Variants in REV3L observed in about 807,000 individuals in gnomAD.
REV3L encodes the protein DNA polymerase zeta catalytic subunit.
In REV3L, 69 loss-of-function variants were observed where a neutral mutation model predicts 299.4. The observed-to-expected ratio is 0.23, with a 90% CI of 0.19 to 0.28. The LOEUF is 0.28. Among genes scored for constraint, REV3L ranks in the 10% least tolerant of loss-of-function variants. REV3L has a pLI of 1.00. For synonymous variants in REV3L, 1,238 were observed against 1,271.4 expected (o/e 0.97, Z 0.56); for missense variants, 3,128 against 3,693.8 (o/e 0.85, Z 3.97).
At chr6:111,325,805 T>C (rs1365495574) in intron 25 of REV3L, among the ~76,000 whole-genome samples, 1 of 152,230 alleles carries the variant, frequency 6.6e-6, no homozygotes, top group Non-Finnish European at 1.5e-5. Flanking sequence ...TTCTTTTAGT[T>C]ATTTAAAAAT....
Position 111,374,877 on chromosome 6 carries a change from C to G in REV3L, c.3478G>C (p.Val1160Leu). The G allele has an allele frequency of 6.2e-7, 1 of 1,613,770 alleles. No individual in the cohort carries two copies. The highest frequency in any genetic ancestry group is 8.5e-7 in the Non-Finnish European group (1 of 1,179,888). Residue 1160 changes from valine (V) to leucine (L), a missense_variant, in exon 13 of 32, where the codon GTT becomes CTT. Val to Leu is a conservative substitution (Grantham distance 32). Around this residue, in one of 9 missense-constraint regions of REV3L, gnomAD observed 2,409 missense variants for 2,611.8 expected, o/e 0.92. Coordinates refer to ENST00000368802, the MANE Select transcript of REV3L (RefSeq NM_001372078.1). ...FKGPNVYKKT[V>L]NSRIGKTSRA... ...CTAGTTTTTCCTATACGAGAATTAA[C>G]AGTCTTCTTATATACATTAGGACCC... is the stretch of plus-strand genomic sequence containing the variant.
At chr6:111,438,300 T>C (rs1231482113) in intron 1 of REV3L, among the ~76,000 whole-genome samples, 9 of 152,092 alleles carry the variant, frequency 5.9e-5, no homozygotes, top group East Asian at 1.9e-4. Flanking sequence ...ATTTATATCA[T>C]AGGAATAAAT....
intron 21 of REV3L, among the ~76,000 whole-genome samples, chr6:111,340,369 G>A (rs1776357790): frequency 1.3e-5 from 2 of 152,026 alleles, no homozygotes; most frequent in African/African-American, 4.8e-5. Flanking sequence ...AAGTTTTATA[G>A]GCTGGCTTAG....
intron 1 of REV3L, among the ~76,000 whole-genome samples, chr6:111,440,143 T>G (rs1277431055): frequency 1.3e-5 from 2 of 152,084 alleles, no homozygotes; most frequent in African/African-American, 4.8e-5. Flanking sequence ...CTTGGCTCAC[T>G]GCAACCACCG....
chr6:111,474,018 C>T (rs908760703), intron 1 of REV3L, among the ~76,000 whole-genome samples: 4 of 150,102 alleles, frequency 2.7e-5, no homozygotes, highest in Non-Finnish European at 4.5e-5. Flanking sequence ...CACTGGACAA[C>T]AGGAGGGCAT....
chr6:111,410,719 C>A (rs1020052041), intron 3 of REV3L, among the ~76,000 whole-genome samples: 18 of 152,188 alleles, frequency 1.2e-4, no homozygotes, highest in African/African-American at 4.3e-4. Context: ...ACCTCATGTT[C>A]TGGGCAGTCG....
intron 12 of REV3L, 86 bp downstream of exon 12, chr6:111,377,615 G>T: frequency 7.6e-7 from 1 of 1,314,060 alleles, no homozygotes; most frequent in Non-Finnish European, 1.1e-6. Flanking sequence ...GGGATTACAG[G>T]TGTGAGCCAG....
chr6:111,405,487 C>T lies in REV3L; in HGVS notation c.548G>A (p.Arg183Gln). Residue 183 changes from arginine (R) to glutamine (Q), a missense_variant, in exon 4 of 32, where the codon CGA becomes CAA. By Grantham distance (43) the Arg-to-Gln change is conservative (BLOSUM62 1). This residue lies in a region of REV3L where 2,409 missense variants were observed against 2,611.8 expected (regional missense o/e 0.92). Coordinates refer to ENST00000368802, the MANE Select transcript of REV3L (RefSeq NM_001372078.1). The part of the protein sequence containing the change: ...NLINLAAVKF[R>Q]KARRKSNTLH... ...AACCTTACTTTTCCTTCTTGCTTTTCGGAACTTGACAGCAGCCAGATTTAT... is the reference window on the plus strand; with the variant it reads ...AACCTTACTTTTCCTTCTTGCTTTTTGGAACTTGACAGCAGCCAGATTTAT... 3 of 1,588,974 alleles carry T rather than the reference C, an allele frequency of 1.9e-6. No individual in the cohort carries two copies. Among genetic ancestry groups the T allele is most frequent in the South Asian group, 1.2e-5 (1 of 83,626 alleles).
chr6:111,474,381 T>C (rs1792646920), intron 1 of REV3L, among the ~76,000 whole-genome samples: 2 of 152,188 alleles, frequency 1.3e-5, no homozygotes, highest in Non-Finnish European at 2.9e-5. Context: ...TTGCACCTTG[T>C]GGTAGGTGGC....
chr6:111,392,176 C>G (rs1489767605), intron 5 of REV3L, among the ~76,000 whole-genome samples: 1 of 152,128 alleles, frequency 6.6e-6, no homozygotes, highest in African/African-American at 2.4e-5. Flanking sequence ...AGGAGGGAAA[C>G]AATAACCTCA....
chr6:111,407,566 C>T (rs1783778296), intron 3 of REV3L, among the ~76,000 whole-genome samples: 1 of 152,118 alleles, frequency 6.6e-6, no homozygotes, highest in African/African-American at 2.4e-5. Flanking sequence ...TTGGATTTAG[C>T]AACACAGAGG....
chr6:111,445,105 G>A (rs1388074276), intron 1 of REV3L, among the ~76,000 whole-genome samples: 3 of 152,194 alleles, frequency 2.0e-5, no homozygotes, highest in Non-Finnish European at 2.9e-5. Flanking sequence ...CAACTGCCTT[G>A]GAAGGGAAGA....
Position 111,482,935 on chromosome 6 carries a change from G to T in REV3L, c.-47C>A. 6.8e-7 allele frequency: 1 copy of T among 1,479,498 alleles called. No individual in the cohort carries two copies. The highest frequency in any genetic ancestry group is 8.9e-7 in the Non-Finnish European group (1 of 1,124,966). 91.6% of individuals were successfully genotyped at this position (1,479,498 alleles called of 1,614,324 possible). A position where few individuals can be genotyped will look rare whatever the true frequency, so the allele number is the denominator to read the frequency against. ...CTCCCTTCACTGGCGACCCGGCAGC[G>T]GCAGCAGCAGCGGCGGCGGCTCCCT... On this transcript the variant is annotated 5_prime_UTR_variant, in exon 1 of 32. Transcript: ENST00000368802.
intron 25 of REV3L, among the ~76,000 whole-genome samples, chr6:111,327,505 G>C (rs1774957365): frequency 6.6e-6 from 1 of 151,476 alleles, no homozygotes; most frequent in Admixed American, 6.6e-5. Flanking sequence ...AGTGAGCCGT[G>C]GTTAAGCCAC....
At chr6:111,444,080 G>A (rs911002909) in intron 1 of REV3L, among the ~76,000 whole-genome samples, 1 of 152,124 alleles carries the variant, frequency 6.6e-6, no homozygotes, top group Non-Finnish European at 1.5e-5. Context: ...GTATAGCAAT[G>A]GTAACTGACA....
intron 1 of REV3L, among the ~76,000 whole-genome samples, chr6:111,428,244 G>A (rs1786432515): frequency 6.6e-6 from 1 of 152,114 alleles, no homozygotes; most frequent in African/African-American, 2.4e-5. Context: ...AGAAGACAGT[G>A]ACATGAGCTT....
chr6:111,395,980 T>A (rs1462373077), intron 4 of REV3L, among the ~76,000 whole-genome samples: 1 of 152,200 alleles, frequency 6.6e-6, no homozygotes, highest in Non-Finnish European at 1.5e-5. Flanking sequence ...GTTGATGTGA[T>A]GTATCACATT....
At chr6:111,319,093 A>G (rs779338357) in intron 26 of REV3L, among the ~76,000 whole-genome samples, 1 of 151,642 alleles carries the variant, frequency 6.6e-6, no homozygotes, top group Non-Finnish European at 1.5e-5. Context: ...ATTTTATTAC[A>G]TACTATACAT....
intron 26 of REV3L, among the ~76,000 whole-genome samples, chr6:111,320,347 T>C (rs1774010449): frequency 6.6e-6 from 1 of 152,210 alleles, no homozygotes; most frequent in African/African-American, 2.4e-5. Flanking sequence ...ATTACAGGCA[T>C]GAGCCACTGC....
Sources: gnomAD v4.1 joint callset for allele counts (sites outside exome capture counted in the v4.1 genomes callset) on GRCh38, gnomAD v4.1.1 for gene constraint, gnomAD v4.1.1 regional missense constraint, MANE v1.5 for transcripts, NCBI Gene and HGNC (gene_info 2026-07-23, HGNC 2026-07-21) for gene names.